Variants in DMD observed in about 807,000 individuals in gnomAD.
DMD encodes the protein mutant dystrophin.
A neutral mutation model predicts 330.1 loss-of-function variants in DMD; 63 were observed. That is an observed-to-expected ratio of 0.19 (90% confidence interval 0.16 to 0.24). The LOEUF is 0.24. Ranked by LOEUF, DMD falls within the 10% of genes least tolerant of loss-of-function variation. DMD has a pLI of 1.00. For synonymous variants in DMD, 1,223 were observed against 959.8 expected (o/e 1.27, Z -5.07); for missense variants, 3,344 against 2,684.1 (o/e 1.25, Z -5.43).
chrX:32,743,881 A>G (rs998121154), intron 7 of DMD, among the ~76,000 whole-genome samples: 1 of 111,386 alleles, frequency 9.0e-6, no homozygotes, highest in Admixed American at 9.6e-5. Context: ...ATGAAAATAG[A>G]CATTGTGTTT....
At chrX:32,403,173 CTAAG>C (rs1241655236) in intron 30 of DMD, among the ~76,000 whole-genome samples, 1 of 111,725 alleles carries the variant, frequency 9.0e-6, no homozygotes, top group African/African-American at 3.2e-5. Flanking sequence ...GTATGTTATG[CTAAG>C]TGTTATCTGG....
chrX:31,134,045 G>T, intron 77 of DMD, 57 bp downstream of exon 77: 1 of 1,051,717 alleles, frequency 9.5e-7, no homozygotes, highest in Non-Finnish European at 1.3e-6. Context: ...AGTTGGGTAG[G>T]GAAGCGAGTG....
intron 51 of DMD, among the ~76,000 whole-genome samples, chrX:31,759,803 T>C (rs2089432140): frequency 8.9e-6 from 1 of 111,970 alleles, no homozygotes; most frequent in African/African-American, 3.2e-5. Context: ...AGGTACATCA[T>C]GGTGAGAGGC....
intron 12 of DMD, among the ~76,000 whole-genome samples, chrX:32,596,602 A>G (rs2055571764): frequency 9.1e-6 from 1 of 110,140 alleles, no homozygotes; most frequent in Admixed American, 9.8e-5. Context: ...TGGAATGCCA[A>G]TGGCATGATC....
Position 31,742,549 on chromosome X carries a change from A to G in DMD, c.7543-12801T>C, listed in dbSNP as rs2087445892. On this transcript the variant is annotated intron_variant, in intron 51 of 78. Coordinates refer to ENST00000357033, the MANE Select transcript of DMD (RefSeq NM_004006.3). Reference sequence around the variant, plus strand: ...CAGTGGAGTAGCCAGAACACACAAAACATTGATTGATTAAGTTTGCCATCT... The same window carrying G: ...CAGTGGAGTAGCCAGAACACACAAAGCATTGATTGATTAAGTTTGCCATCT... Among the ~76,000 whole-genome samples the G allele has an allele frequency of 2.7e-5, 3 of 111,792 alleles. No individual in the cohort carries two copies. In the Admixed American group the frequency reaches 2.9e-4, roughly 11 times the overall value.
intron 1 of DMD, among the ~76,000 whole-genome samples, chrX:33,133,247 T>C (rs900790034): frequency 9.0e-6 from 1 of 111,393 alleles, no homozygotes; most frequent in Admixed American, 9.6e-5. Context: ...CAAACCTAAA[T>C]ATACAGTACA....
intron 7 of DMD, among the ~76,000 whole-genome samples, chrX:32,736,935 T>A (rs1281387975): frequency 1.8e-5 from 2 of 109,258 alleles, no homozygotes; most frequent in Non-Finnish European, 3.8e-5. Flanking sequence ...AAAAAAAAAC[T>A]TAAAAATTTC....
chrX:32,836,965 T>G (rs770462957), intron 4 of DMD, among the ~76,000 whole-genome samples: 1 of 111,726 alleles, frequency 9.0e-6, no homozygotes, highest in South Asian at 3.8e-4. Context: ...CAGCGTGTCT[T>G]TCTTTTCTGG....
chrX:32,040,480 G>A (rs995328791), intron 44 of DMD, among the ~76,000 whole-genome samples: 4 of 111,793 alleles, frequency 3.6e-5, no homozygotes, highest in Non-Finnish European at 5.6e-5. Context: ...ATTTAAAACC[G>A]TAGCTAAAGT....
chrX:31,885,434 C>A (rs1430075572), intron 47 of DMD, among the ~76,000 whole-genome samples: 6 of 109,112 alleles, frequency 5.5e-5, no homozygotes, highest in South Asian at 7.9e-4. Context: ...CACGGTGAAA[C>A]CCCGTCTCTA....
chrX:32,111,876 G>A (rs963288420), intron 44 of DMD, among the ~76,000 whole-genome samples: 5 of 111,721 alleles, frequency 4.5e-5, no homozygotes, highest in African/African-American at 9.7e-5. Context: ...CCCCAGTCCC[G>A]TTTTTGCCCA....
At chrX:31,350,638 A>T (rs79146841) in intron 60 of DMD, among the ~76,000 whole-genome samples, 14,328 of 56,620 alleles carry the variant, frequency 0.25, 1,234 homozygotes, top group Non-Finnish European at 0.31. Context: ...TGTGTGAGAG[A>T]GAGAGAGAGA....
At chrX:32,611,262 G>A (rs1194641369) in intron 12 of DMD, among the ~76,000 whole-genome samples, 2 of 110,069 alleles carry the variant, frequency 1.8e-5, no homozygotes, top group African/African-American at 6.6e-5. Flanking sequence ...AAAAAAAAGA[G>A]TGCTCAAATA....
intron 2 of DMD, among the ~76,000 whole-genome samples, chrX:32,900,138 T>C (rs1868738698): frequency 8.9e-6 from 1 of 112,226 alleles, no homozygotes; most frequent in African/African-American, 3.2e-5. Flanking sequence ...GTTGGAATAA[T>C]ATCTTAAAAG....
intron 67 of DMD, among the ~76,000 whole-genome samples, chrX:31,193,182 GCA>G (rs935939996): frequency 4.5e-5 from 5 of 112,122 alleles, no homozygotes; most frequent in Admixed American, 3.8e-4. Context: ...TCTCAATTCA[GCA>G]CAGTTTTCAT....
chrX:32,936,488 T>C (rs1267522834), intron 2 of DMD, among the ~76,000 whole-genome samples: 5 of 111,882 alleles, frequency 4.5e-5, no homozygotes, highest in Non-Finnish European at 9.4e-5. Context: ...CTCATTTTCA[T>C]TCACCATGAG....
chrX:31,240,252 C>T (rs762579093), intron 63 of DMD, among the ~76,000 whole-genome samples: 3 of 110,833 alleles, frequency 2.7e-5, no homozygotes, highest in Non-Finnish European at 3.8e-5. Context: ...CATCAAAGAA[C>T]AGAACATTGT....
At chrX:31,635,163 A>G (rs1298399650) in intron 54 of DMD, among the ~76,000 whole-genome samples, 1 of 111,844 alleles carries the variant, frequency 8.9e-6, no homozygotes, top group African/African-American at 3.2e-5. Flanking sequence ...CTTCCCAGAT[A>G]ATTACACACT....
intron 62 of DMD, among the ~76,000 whole-genome samples, chrX:31,282,899 G>C (rs1439905057): frequency 9.0e-6 from 1 of 111,624 alleles, no homozygotes; most frequent in Non-Finnish European, 1.9e-5. Flanking sequence ...ATTTAACACT[G>C]ACATTCATTA....
Sources: allele counts gnomAD v4.1 joint callset (sites outside exome capture counted in the v4.1 genomes callset), GRCh38; gene constraint gnomAD v4.1.1; transcripts MANE v1.5; gene names NCBI Gene and HGNC (gene_info 2026-07-23, HGNC 2026-07-21).